The following PTAR1 variants were observed in gnomAD, a reference collection of about 807,000 sequenced individuals.
PTAR1 encodes protein prenyltransferase alpha subunit repeat containing 1.
PTAR1 carries 17 observed loss-of-function variants against 45.5 expected under a neutral mutation model. The observed-to-expected ratio is 0.37, with a 90% confidence interval of 0.26 to 0.56. The LOEUF is 0.56. Ranked by LOEUF, PTAR1 falls within the 20% of genes least tolerant of loss-of-function variation. PTAR1 has a pLI of 0.77. For missense variants in PTAR1, 391 were observed against 476.3 expected (o/e 0.82, Z 1.67); for synonymous variants, 169 against 171.3 (o/e 0.99, Z 0.11).
chr9:69,748,978 C>T (rs893168907), intron 2 of PTAR1, among the ~76,000 whole-genome samples: 2 of 152,078 alleles, frequency 1.3e-5, no homozygotes, highest in African/African-American at 4.8e-5. Context: ...AGGTTAGGAT[C>T]AAATCAAAAG....
chr9:69,756,216 T>A (rs544681632), intron 1 of PTAR1, among the ~76,000 whole-genome samples: 1 of 152,324 alleles, frequency 6.6e-6, no homozygotes. Flanking sequence ...GCCTACCCAT[T>A]GCCTTAGAAG....
At chr9:69,744,773 C>T (rs1282055602) in intron 2 of PTAR1, among the ~76,000 whole-genome samples, 1 of 152,178 alleles carries the variant, frequency 6.6e-6, no homozygotes, top group East Asian at 1.9e-4. Context: ...CGCAGGTCCT[C>T]TCTAATACAT....
intron 1 of PTAR1, chr9:69,757,624 TA>T (rs1309836008): frequency 6.6e-6 from 1 of 152,158 alleles, no homozygotes; most frequent in Non-Finnish European, 1.5e-5. Flanking sequence ...TTTAATGAAG[TA>T]GATGTTGGCC....
chr9:69,718,164 C>G lies in PTAR1; in HGVS notation c.*178G>C. Reference sequence around the variant, plus strand: ...GAACTATACGATTATTTTATCCCCACAGGAATGCCAGTTATTAACAAAATA... The same window carrying G: ...GAACTATACGATTATTTTATCCCCAGAGGAATGCCAGTTATTAACAAAATA... On this transcript the variant is annotated 3_prime_UTR_variant, in exon 8 of 8. Coordinates refer to ENST00000340434, the MANE Select transcript of PTAR1 (RefSeq NM_001099666.2). 1 of 528,600 alleles carries G rather than the reference C, an allele frequency of 1.9e-6. No individual in the cohort carries two copies. The highest frequency in any genetic ancestry group is 3.3e-6 in the Non-Finnish European group (1 of 299,824). 32.7% of individuals were successfully genotyped at this position (528,600 alleles called of 1,614,324 possible). A position where few individuals can be genotyped will look rare whatever the true frequency, so the allele number is the denominator to read the frequency against.
chr9:69,735,618 G>A (rs1825752963), intron 3 of PTAR1, among the ~76,000 whole-genome samples: 1 of 151,860 alleles, frequency 6.6e-6, no homozygotes, highest in Admixed American at 6.6e-5. Flanking sequence ...TAATTTCTCA[G>A]GTAAGTTTTT....
intron 5 of PTAR1, among the ~76,000 whole-genome samples, chr9:69,728,452 T>C (rs1588453609): frequency 6.6e-6 from 1 of 152,216 alleles, no homozygotes; most frequent in South Asian, 2.1e-4. Context: ...TTTACATTCT[T>C]ACCAGCCATA....
intron 3 of PTAR1, among the ~76,000 whole-genome samples, chr9:69,738,618 C>A (rs1166920853): frequency 6.6e-6 from 1 of 152,106 alleles, no homozygotes; most frequent in Non-Finnish European, 1.5e-5. Flanking sequence ...TCATATCCCA[C>A]CATATATTTT....
chr9:69,723,018 CA>C (rs1236855283), intron 6 of PTAR1, among the ~76,000 whole-genome samples: 9 of 150,034 alleles, frequency 6.0e-5, no homozygotes, highest in African/African-American at 1.2e-4. Flanking sequence ...AGGAAGGAGT[CA>C]AAAAAACTTC....
At chr9:69,758,721 A>T (rs1315583043) in intron 1 of PTAR1, 2 of 399,928 alleles carry the variant, frequency 5.0e-6, no homozygotes, top group African/African-American at 4.1e-5. Context: ...GGAAAAGAAC[A>T]CTTTGGTAAG....
chr9:69,751,331 T>C (rs986036396), intron 1 of PTAR1, among the ~76,000 whole-genome samples: 11 of 151,168 alleles, frequency 7.3e-5, no homozygotes, highest in African/African-American at 2.7e-4. Context: ...TGTTTATCAA[T>C]ATAAGACTAG....
chr9:69,757,416 G>T (rs1826835436), intron 1 of PTAR1: 1 of 152,116 alleles, frequency 6.6e-6, no homozygotes, highest in African/African-American at 2.4e-5. Context: ...TTCAGGGAAG[G>T]TCTAATATTT....
chr9:69,719,301 T>C (rs951056251), intron 6 of PTAR1, among the ~76,000 whole-genome samples: 1 of 152,192 alleles, frequency 6.6e-6, no homozygotes, highest in Admixed American at 6.5e-5. Flanking sequence ...ATACAGTTCC[T>C]GTTCTCCCTC....
intron 5 of PTAR1, among the ~76,000 whole-genome samples, chr9:69,728,112 G>C (rs773680765): frequency 6.6e-6 from 1 of 152,144 alleles, no homozygotes; most frequent in Non-Finnish European, 1.5e-5. Context: ...CCACGTTATA[G>C]CATGTATCAG....
intron 5 of PTAR1, among the ~76,000 whole-genome samples, chr9:69,725,519 G>A (rs945336441): frequency 2.6e-5 from 4 of 151,840 alleles, no homozygotes; most frequent in African/African-American, 7.3e-5. Flanking sequence ...GAACCTGGGA[G>A]GTATAGGTTG....
intron 6 of PTAR1, 93 bp from the exon 7 acceptor site, chr9:69,718,777 A>G: frequency 1.1e-6 from 1 of 927,796 alleles, no homozygotes; most frequent in East Asian, 2.7e-5. Flanking sequence ...CAAAACATAC[A>G]GTATTCAATT....
At chr9:69,723,758 A>G in intron 5 of PTAR1, 128 bp from the exon 6 acceptor site, 1 of 728,330 alleles carries the variant, frequency 1.4e-6, no homozygotes, top group African/African-American at 1.8e-5. Context: ...TATTTTGTAC[A>G]CAATGTCTAG....
At position 69,718,700 on chromosome 9, in the gene PTAR1, G is replaced by T; in HGVS notation, c.948-16C>A. On this transcript the variant is annotated splice_polypyrimidine_tract_variant and intron_variant, in intron 6 of 7. Coordinates refer to ENST00000340434, the MANE Select transcript of PTAR1 (RefSeq NM_001099666.2). ...AATATGCCGCCTGCGATAGAGAGGG[G>T]AAGGAAGAGAATAAAGAAAATCACA... The T allele has an allele frequency of 1.3e-6, 2 of 1,512,976 alleles. No homozygotes were observed. The highest frequency in any genetic ancestry group is 1.8e-6 in the Non-Finnish European group (2 of 1,126,280). 93.7% of individuals were successfully genotyped at this position (1,512,976 alleles called of 1,614,324 possible). A position where few individuals can be genotyped will look rare whatever the true frequency, so the allele number is the denominator to read the frequency against.
At chr9:69,731,583 A>G (rs1055278051) in intron 5 of PTAR1, among the ~76,000 whole-genome samples, 2 of 152,166 alleles carry the variant, frequency 1.3e-5, no homozygotes, top group African/African-American at 4.8e-5. Context: ...TCTGCATTCA[A>G]ATAACCCTGA....
chr9:69,713,213 G>A lies in PTAR1; in HGVS notation c.*5129C>T, dbSNP rs1824594731. 6.6e-6 allele frequency: 1 copy of A among 152,088 alleles called. No homozygotes were observed. The highest frequency in any genetic ancestry group is 1.5e-5 in the Non-Finnish European group (1 of 68,020). 9.4% of individuals were successfully genotyped at this position (152,088 alleles called of 1,614,324 possible). A position where few individuals can be genotyped will look rare whatever the true frequency, so the allele number is the denominator to read the frequency against. ...TGCCCTGTATTGTTCTTAGCAAAGAGTTTGGTTTTACAGTGTTAACATGGC... is the reference window on the plus strand; with the variant it reads ...TGCCCTGTATTGTTCTTAGCAAAGAATTTGGTTTTACAGTGTTAACATGGC... On this transcript the variant is annotated 3_prime_UTR_variant, in exon 8 of 8. Transcript: ENST00000340434.
Sources: allele counts gnomAD v4.1 joint callset (sites outside exome capture counted in the v4.1 genomes callset), GRCh38; gene constraint gnomAD v4.1.1; transcripts MANE v1.5; gene names NCBI Gene and HGNC (gene_info 2026-07-23, HGNC 2026-07-21).